RARA: variants seen among roughly 807,000 people sequenced by gnomAD.
RARA encodes the protein retinoic acid receptor alpha.
A neutral mutation model predicts 42.8 loss-of-function variants in RARA; 5 were observed. The ratio of observed to expected loss-of-function variants is 0.12; its 90% CI spans 0.06 to 0.25. RARA has a LOEUF of 0.25. Ranked by LOEUF, RARA falls within the 10% of genes least tolerant of loss-of-function variation. The pLI, the probability that RARA is intolerant of heterozygous loss-of-function variation, is 1.00. For synonymous variants in RARA, 256 were observed against 259.5 expected (o/e 0.99, Z 0.13); for missense variants, 402 against 628.7 (o/e 0.64, Z 3.86).
Position 40,320,831 on chromosome 17 carries a change from C to T in RARA, c.-362-10026C>T, listed in dbSNP as rs530811655. On this transcript the variant is annotated intron_variant, in intron 1 of 8. Transcript: ENST00000254066. This position sits in a 1 kb window ranked among gnomAD's most constrained non-coding sequence, Gnocchi z 4.1. ...TCTGGGGATGGTAATCCTGTCCCTG[C>T]GACAAATAAGCGGGGTAATCTCCGC... 9.9e-5 allele frequency among the ~76,000 whole-genome samples: 15 copies of T among 152,238 alleles called. No homozygotes were observed. The highest frequency in any genetic ancestry group is 1.5e-4 in the Non-Finnish European group (10 of 68,012).
intron 1 of RARA, among the ~76,000 whole-genome samples, chr17:40,321,801 A>G (rs903943648): frequency 6.6e-6 from 1 of 152,026 alleles, no homozygotes; most frequent in African/African-American, 2.4e-5. Flanking sequence ...GACAGGTGTA[A>G]TTTCTGCAGC....
chr17:40,329,329 C>T lies in RARA; in HGVS notation c.-362-1528C>T, dbSNP rs553460064. ...GTGTGTGTTTTTTTTTTTTTGGAGA[C>T]GGAGTCTTGCTCTGTTACCCATGCT... On this transcript the variant is annotated intron_variant, in intron 1 of 8. Transcript: ENST00000254066. Among the ~76,000 whole-genome samples the T allele has an allele frequency of 4.7e-5, 7 of 149,786 alleles. No homozygotes were observed. The South Asian group carries it at 8.5e-4, about 18-fold the overall frequency.
intron 1 of RARA, among the ~76,000 whole-genome samples, chr17:40,317,984 T>C (rs1598531469): frequency 6.6e-6 from 1 of 152,200 alleles, no homozygotes; most frequent in African/African-American, 2.4e-5. Flanking sequence ...TTTCATTCTT[T>C]CCGCAGAACC....
chr17:40,309,808 G>C (rs185113246), intron 1 of RARA, among the ~76,000 whole-genome samples: 2 of 152,292 alleles, frequency 1.3e-5, no homozygotes, highest in East Asian at 1.9e-4. Context: ...GTGGCTAAAG[G>C]CTTTGCTAGA....
intron 2 of RARA, chr17:40,341,712 T>G (rs2034052453): frequency 7.5e-7 from 1 of 1,325,140 alleles, no homozygotes; most frequent in African/African-American, 1.6e-5. Flanking sequence ...TGGGTGGGGG[T>G]GTGTGTTAAG....
chr17:40,342,810 G>T (rs752986550), intron 2 of RARA: 1 of 1,612,906 alleles, frequency 6.2e-7, no homozygotes, highest in South Asian at 1.1e-5. Flanking sequence ...GGGGCTCCCC[G>T]CCCCGGGTCC....
intron 2 of RARA, among the ~76,000 whole-genome samples, chr17:40,332,490 T>C (rs1001025733): frequency 6.6e-6 from 1 of 152,298 alleles, no homozygotes; most frequent in Admixed American, 6.5e-5. Context: ...TGCCCCCTTC[T>C]CAGTGTGGGG....
intron 1 of RARA, among the ~76,000 whole-genome samples, chr17:40,323,770 G>A (rs2033460905): frequency 6.9e-6 from 1 of 144,532 alleles, no homozygotes; most frequent in South Asian, 2.3e-4. Flanking sequence ...GTATGGGGCA[G>A]GGCACAGTCT....
At position 40,350,357 on chromosome 17, in the gene RARA, G is replaced by C. The variant is rs577088914; in HGVS notation, c.469+432G>C. 1.9e-4 allele frequency: 31 copies of C among 161,320 alleles called. No homozygotes were observed. The South Asian group carries it at 2.0e-3, about 10-fold the overall frequency. 10.0% of individuals were successfully genotyped at this position (161,320 alleles called of 1,614,324 possible). ...GGCTGGACTTATGTGTGTATGGGGG[G>C]GTGGAAGGGCTGGCACAAGGATCCA... On this transcript the variant is annotated intron_variant, in intron 4 of 8. Coordinates refer to ENST00000254066, the MANE Select transcript of RARA (RefSeq NM_000964.4).
In RARA at chr17:40,352,303, A is replaced by G. The variant is rs755390714; in HGVS notation, c.631-28A>G. ...GCTGAGAAGGGGTGCCATGGAGAAG[A>G]AGGCCCTCACTCTCCCTCCTCCCCC... On this transcript the variant is annotated intron_variant, in intron 5 of 8. Coordinates refer to ENST00000254066, the MANE Select transcript of RARA (RefSeq NM_000964.4). The surrounding 1 kb of genome is among the most constrained non-coding windows in gnomAD (Gnocchi z 4.9). 48 of 1,569,920 alleles carry G rather than the reference A, an allele frequency of 3.1e-5. No individual in the cohort carries two copies. Among genetic ancestry groups the G allele is most frequent in the Non-Finnish European group, 3.6e-5 (41 of 1,154,128 alleles).
rs1174035380 is a variant in RARA at position 40,320,638 on chromosome 17, G to A, written c.-362-10219G>A. On this transcript the variant is annotated intron_variant, in intron 1 of 8. Coordinates refer to ENST00000254066, the MANE Select transcript of RARA (RefSeq NM_000964.4). This position sits in a 1 kb window ranked among gnomAD's most constrained non-coding sequence, Gnocchi z 4.1. ...GGGATGGTCCTCAGAACCGTGTGATGTGACGGTGGGGCCTGTCCCAAAATA... is the reference window on the plus strand; with the variant it reads ...GGGATGGTCCTCAGAACCGTGTGATATGACGGTGGGGCCTGTCCCAAAATA... 6.6e-6 allele frequency among the ~76,000 whole-genome samples: 1 copy of A among 152,226 alleles called. No homozygotes were observed. Among genetic ancestry groups the A allele is most frequent in the African/African-American group, 2.4e-5 (1 of 41,460 alleles).
At chr17:40,342,145 C>T (rs2143388741) in intron 2 of RARA, 1 of 421,430 alleles carries the variant, frequency 2.4e-6, no homozygotes, top group Non-Finnish European at 3.2e-6. Flanking sequence ...GCGCGCAGAG[C>T]TGGGGTGGGG....
rs2143528157 is a variant in RARA at position 40,354,474 on chromosome 17, G to A, written c.980G>A (p.Gly327Glu). ...LPLEMDDAET[G>E]LLSAICLICG... is the part of the protein sequence containing the mutation. ...CTGGAGATGGATGATGCGGAGACGGGGCTGCTCAGCGCCATCTGCCTCATC... is the reference window on the plus strand; with the variant it reads ...CTGGAGATGGATGATGCGGAGACGGAGCTGCTCAGCGCCATCTGCCTCATC... Residue 327 changes from glycine to glutamate, a missense_variant, in exon 7 of 9, where the codon GGG becomes GAG. By Grantham distance (98) the Gly-to-Glu change is moderately conservative (BLOSUM62 -2). This residue lies in a region of RARA where 104 missense variants were observed against 160.1 expected (regional missense o/e 0.65). Coordinates refer to ENST00000254066, the MANE Select transcript of RARA (RefSeq NM_000964.4). This position sits in a 1 kb window ranked among gnomAD's most constrained non-coding sequence, Gnocchi z 4.5. 1 of 1,614,004 alleles carries A rather than the reference G, an allele frequency of 6.2e-7. No homozygotes were observed.
intron 6 of RARA, among the ~76,000 whole-genome samples, chr17:40,353,351 CTCCT>C (rs2034514365): frequency 6.6e-6 from 1 of 152,170 alleles, no homozygotes; most frequent in South Asian, 2.1e-4. Flanking sequence ...AGGGAGCACT[CTCCT>C]TCCTGCTGTC....
chr17:40,330,255 T>C (rs991949578), intron 1 of RARA, among the ~76,000 whole-genome samples: 3 of 152,132 alleles, frequency 2.0e-5, no homozygotes, highest in Non-Finnish European at 4.4e-5. Flanking sequence ...GGACCATCCA[T>C]GCTGTTAAGC....
intron 2 of RARA, among the ~76,000 whole-genome samples, chr17:40,333,654 T>TC (rs1232224820): frequency 2.6e-5 from 4 of 151,552 alleles, no homozygotes; most frequent in Non-Finnish European, 5.9e-5. Flanking sequence ...TTTTTTTTTT[T>TC]CTCATAGGGT....
rs1329839530 is a variant in RARA at position 40,331,574 on chromosome 17, A to G, written c.178+178A>G. ...TAAAAATGAAAGCCCTATGGCCTATAGGCTGATCATGGTGGTTGTGTTTGA... is the reference window on the plus strand; with the variant it reads ...TAAAAATGAAAGCCCTATGGCCTATGGGCTGATCATGGTGGTTGTGTTTGA... On this transcript the variant is annotated intron_variant, in intron 2 of 8. Coordinates refer to ENST00000254066, the MANE Select transcript of RARA (RefSeq NM_000964.4). 2.6e-5 allele frequency among the ~76,000 whole-genome samples: 4 copies of G among 152,138 alleles called. No individual in the cohort carries two copies. In the East Asian group the frequency reaches 7.7e-4, roughly 29 times the overall value.
intron 1 of RARA, among the ~76,000 whole-genome samples, chr17:40,329,073 CTTG>C (rs773670326): frequency 6.6e-6 from 1 of 151,734 alleles, no homozygotes; most frequent in Non-Finnish European, 1.5e-5. Flanking sequence ...CTCGCCAGTA[CTTG>C]TTATTATCTG....
At chr17:40,330,162 C>T (rs1309079219) in intron 1 of RARA, among the ~76,000 whole-genome samples, 1 of 152,202 alleles carries the variant, frequency 6.6e-6, no homozygotes. Context: ...TGTGGGTGAA[C>T]CTTGAGATCA....
Sources: allele counts gnomAD v4.1 joint callset (sites outside exome capture counted in the v4.1 genomes callset), GRCh38; gene constraint gnomAD v4.1.1; regional missense constraint gnomAD v4.1.1; non-coding constraint Gnocchi (gnomAD v3.1); transcripts MANE v1.5; gene names NCBI Gene and HGNC (gene_info 2026-07-23, HGNC 2026-07-21).